PRKCI: variants seen among roughly 807,000 people sequenced by gnomAD.
PRKCI encodes protein kinase C iota type.
In PRKCI, 43 loss-of-function variants were observed where a neutral mutation model predicts 84.0. The ratio of observed to expected loss-of-function variants is 0.51; its 90% CI spans 0.40 to 0.66. The LOEUF is 0.66. Ranked by LOEUF, PRKCI falls within the 30% of genes least tolerant of loss-of-function variation. The probability of loss-of-function intolerance (pLI) is 0.00; values close to 1 mark genes in which losing one functional copy is unlikely to be tolerated. For synonymous variants in PRKCI, 216 were observed against 234.4 expected (o/e 0.92, Z 0.72); for missense variants, 459 against 745.6 (o/e 0.62, Z 4.48).
chr3:170,283,618 T>C (rs1734307837), intron 11 of PRKCI, among the ~76,000 whole-genome samples: 1 of 152,208 alleles, frequency 6.6e-6, no homozygotes, highest in Non-Finnish European at 1.5e-5. Context: ...ACATAGCCAA[T>C]ATTTGTTCCT....
At chr3:170,282,627 G>T (rs957850298) in intron 11 of PRKCI, among the ~76,000 whole-genome samples, 7 of 151,190 alleles carry the variant, frequency 4.6e-5, no homozygotes, top group African/African-American at 1.7e-4. Context: ...AACCCGGAAG[G>T]CGGAGGTTGC....
chr3:170,226,165 G>C (rs928710005), intron 1 of PRKCI, among the ~76,000 whole-genome samples: 1 of 152,042 alleles, frequency 6.6e-6, no homozygotes, highest in Non-Finnish European at 1.5e-5. Flanking sequence ...CACCCACCTC[G>C]GTCTCCCAAA....
intron 12 of PRKCI, 123 bp from the exon 13 acceptor site, chr3:170,291,731 G>T: frequency 1.4e-6 from 1 of 701,432 alleles, no homozygotes; most frequent in South Asian, 1.6e-5. Context: ...TTGTTCTAGT[G>T]ATGTTAAGTG....
chr3:170,223,755 A>G (rs1338576683), intron 1 of PRKCI, among the ~76,000 whole-genome samples: 1 of 152,118 alleles, frequency 6.6e-6, no homozygotes, highest in Admixed American at 6.5e-5. Flanking sequence ...GTAGAAGTAA[A>G]TTGCTTTAAA....
At chr3:170,245,945 C>CTTTGTTTTTTTTGTTTGTTTG (rs1553837879) in intron 2 of PRKCI, among the ~76,000 whole-genome samples, 1,189 of 95,026 alleles carry the variant, frequency 0.013, 20 homozygotes, top group Non-Finnish European at 0.016. Flanking sequence ...GATGTTATGT[C>CTTTGTTTTTTTTGTTTGTTTG]TTTGTTTTTT....
At chr3:170,234,035 T>TTTC (rs1026647982) in intron 1 of PRKCI, among the ~76,000 whole-genome samples, 2 of 144,098 alleles carry the variant, frequency 1.4e-5, no homozygotes, top group Admixed American at 7.0e-5. Flanking sequence ...CTTACACTTT[T>TTTC]TTTTTTTTTT....
intron 8 of PRKCI, among the ~76,000 whole-genome samples, chr3:170,276,169 C>T (rs1345187269): frequency 3.3e-5 from 5 of 152,034 alleles, no homozygotes; most frequent in Non-Finnish European, 5.9e-5. Context: ...GAACTCCTGG[C>T]CTCAAGCAGT....
intron 8 of PRKCI, among the ~76,000 whole-genome samples, chr3:170,277,693 CAAAAA>C (rs113442053): frequency 1.3e-5 from 1 of 79,292 alleles, no homozygotes; most frequent in Non-Finnish European, 2.9e-5. Flanking sequence ...GACTCCGTCT[CAAAAA>C]AAAAAAAAAA....
chr3:170,229,168 C>G (rs1439683966), intron 1 of PRKCI, among the ~76,000 whole-genome samples: 1 of 152,208 alleles, frequency 6.6e-6, no homozygotes, highest in Non-Finnish European at 1.5e-5. Flanking sequence ...TGTGCATACA[C>G]ACACACAGAC....
At chr3:170,240,361 C>A (rs1370178416) in intron 2 of PRKCI, among the ~76,000 whole-genome samples, 1 of 151,844 alleles carries the variant, frequency 6.6e-6, no homozygotes, top group Non-Finnish European at 1.5e-5. Context: ...ATGCAACAGT[C>A]TTATTATAAT....
At chr3:170,232,317 C>G (rs894795170) in intron 1 of PRKCI, among the ~76,000 whole-genome samples, 1 of 152,152 alleles carries the variant, frequency 6.6e-6, no homozygotes, top group African/African-American at 2.4e-5. Flanking sequence ...TTTCAAAGTG[C>G]TGGGATTATG....
intron 4 of PRKCI, among the ~76,000 whole-genome samples, chr3:170,266,249 G>A (rs765845113): frequency 5.3e-5 from 8 of 152,124 alleles, no homozygotes; most frequent in Non-Finnish European, 8.8e-5. Flanking sequence ...ATGAAAAGTT[G>A]TTGGGGAAAA....
chr3:170,299,217 T>A (rs1370547182), intron 17 of PRKCI, 107 bp downstream of exon 17: 1 of 533,524 alleles, frequency 1.9e-6, no homozygotes, highest in Non-Finnish European at 3.0e-6. Flanking sequence ...TTTTTTATTT[T>A]CTATTTTATT....
In PRKCI at chr3:170,304,554, A is replaced by C. The variant is rs540182898; in HGVS notation, c.*1427A>C. 6.6e-6 allele frequency: 1 copy of C among 152,190 alleles called. No individual in the cohort carries two copies. Among genetic ancestry groups the C allele is most frequent in the Non-Finnish European group, 1.5e-5 (1 of 68,020 alleles). The allele number at this position is 152,190 out of a possible 1,614,324, so 9.4% of individuals were successfully genotyped here. The stretch of plus-strand genomic sequence containing the variant: ...ATAAAGTAGGCATGAATAAATGTTC[A>C]GGACACACACATACACTCACACACA... On this transcript the variant is annotated 3_prime_UTR_variant, in exon 18 of 18. Transcript: ENST00000295797.
At chr3:170,258,923 AC>A (rs1238684095) in intron 2 of PRKCI, among the ~76,000 whole-genome samples, 1 of 152,182 alleles carries the variant, frequency 6.6e-6, no homozygotes, top group Non-Finnish European at 1.5e-5. Context: ...TTTTAAAGAA[AC>A]AGGTAACAGA....
intron 7 of PRKCI, among the ~76,000 whole-genome samples, chr3:170,274,235 G>A (rs1291706123): frequency 1.3e-5 from 2 of 152,052 alleles, no homozygotes; most frequent in Non-Finnish European, 2.9e-5. Flanking sequence ...AGGTTCAAGT[G>A]ATTCTCCTGC....
chr3:170,261,823 C>T (rs542880067), intron 3 of PRKCI, among the ~76,000 whole-genome samples: 4 of 152,112 alleles, frequency 2.6e-5, no homozygotes, highest in Non-Finnish European at 5.9e-5. Context: ...TAGTGACTCA[C>T]AAGGGATCCA....
At chr3:170,294,286 A>G (rs891596982) in intron 14 of PRKCI, among the ~76,000 whole-genome samples, 2 of 152,236 alleles carry the variant, frequency 1.3e-5, no homozygotes, top group East Asian at 1.9e-4. Flanking sequence ...AGAAACAAGC[A>G]GACAAGTGCA....
At chr3:170,255,447 T>A (rs979025804) in intron 2 of PRKCI, among the ~76,000 whole-genome samples, 1 of 152,222 alleles carries the variant, frequency 6.6e-6, no homozygotes, top group Non-Finnish European at 1.5e-5. Flanking sequence ...TTGATTACTT[T>A]TTCAGATTAT....
Sources: gnomAD v4.1 joint callset for allele counts (sites outside exome capture counted in the v4.1 genomes callset) on GRCh38, gnomAD v4.1.1 for gene constraint, MANE v1.5 for transcripts, NCBI Gene and HGNC (gene_info 2026-07-23, HGNC 2026-07-21) for gene names.